The following PLXNB2 variants were observed in gnomAD, a reference collection of about 807,000 sequenced individuals.
PLXNB2 encodes the protein plexin B2.
Under a neutral mutation model 202.6 loss-of-function variants are expected in PLXNB2, and 85 were observed. The ratio of observed to expected loss-of-function variants is 0.42; its 90% CI spans 0.35 to 0.50. The LOEUF (loss-of-function observed/expected upper bound fraction) is 0.50. Among genes scored for constraint, PLXNB2 ranks in the 20% least tolerant of loss-of-function variants. PLXNB2 has a pLI of 0.02. For synonymous variants in PLXNB2, 1,239 were observed against 1,137.6 expected, an observed-to-expected ratio of 1.09 and a Z score of -1.79; for missense variants, 2,063 against 2,586.2, an observed-to-expected ratio of 0.80 and a Z score of 4.39.
In PLXNB2 at chr22:50,283,707, G is replaced by C. The variant is rs751011693; in HGVS notation, c.2465C>G (p.Thr822Ser). The C allele has an allele frequency of 6.2e-7, 1 of 1,613,112 alleles. No homozygotes were observed. The highest frequency in any genetic ancestry group is 1.7e-5 in the Admixed American group (1 of 60,008). Residue 822 changes from threonine to serine, a missense_variant, in exon 15 of 37, where the codon ACC becomes AGC. Transcript: ENST00000359337. ...GACGCCCAAATTGGACCCCAGGATG[G>C]TGATGCGGATGCCCCCACCCAGGGG... Reference protein sequence around the residue: ...TGPLGGGIRITILGSNLGVQA... With the variant: ...TGPLGGGIRISILGSNLGVQA...
At chr22:50,293,469 G>A (rs538737403) in intron 2 of PLXNB2, among the ~76,000 whole-genome samples, 8 of 152,264 alleles carry the variant, frequency 5.3e-5, no homozygotes, top group South Asian at 2.1e-4. Context: ...CAGGCCCCTC[G>A]GCCCTGCGCC....
In PLXNB2 at chr22:50,278,022, G is replaced by A. The variant is rs560890865; in HGVS notation, c.4888-9C>T. On this transcript the variant is annotated splice_polypyrimidine_tract_variant and intron_variant, in intron 31 of 36. Transcript: ENST00000359337. ...AACTGCTGCAGTGTGCCCTGTGGGG[G>A]GGAGGGTCTCAGCGTGACGCCGTGG... is the stretch of plus-strand genomic sequence containing the variant. The A allele has an allele frequency of 2.5e-6, 4 of 1,610,408 alleles. No homozygotes were observed. In the South Asian group the frequency reaches 3.3e-5, roughly 13 times the overall value.
At position 50,284,317 on chromosome 22, in the gene PLXNB2, C is replaced by A. The variant is rs79526162; in HGVS notation, c.2182-104G>T. On this transcript the variant is annotated intron_variant, in intron 12 of 36. Transcript: ENST00000359337. This position sits in a 1 kb window ranked among gnomAD's most constrained non-coding sequence, Gnocchi z 8.0. The stretch of plus-strand genomic sequence containing the variant: ...CTGTGGCCACCGGGTCCCTTCCCAG[C>A]CAAGGGCAGCAGGGGAGGCCTTCAG... 1,960 of 1,114,558 alleles carry A rather than the reference C, an allele frequency of 1.8e-3. 27 individuals are homozygous for A. In the African/African-American group the frequency reaches 0.027, roughly 15 times the overall value. The allele number at this position is 1,114,558 out of a possible 1,614,324, so 69.0% of individuals were successfully genotyped here. A position where few individuals can be genotyped will look rare whatever the true frequency, so the allele number is the denominator to read the frequency against.
rs1476977067 is a variant in PLXNB2 at position 50,277,976 on chromosome 22, C to T, written c.4925G>A (p.Ser1642Asn). The change falls in exon 32 of 37, where the codon AGC (serine) becomes AAC (asparagine). Residue 1642 changes from serine (S) to asparagine (N), a missense_variant. Ser to Asn is a conservative substitution (Grantham distance 46, BLOSUM62 1). Coordinates refer to ENST00000359337, the MANE Select transcript of PLXNB2 (RefSeq NM_012401.4). ...CACCGCGTGCCCAGGCGCCAGCACGCTCTGGAAGAAGTTGTCCACAAACTG... is the reference window on the plus strand; with the variant it reads ...CACCGCGTGCCCAGGCGCCAGCACGTTCTGGAAGAAGTTGTCCACAAACTG... ...LQQFVDNFFQ[S>N]VLAPGHAVPP... The T allele has an allele frequency of 6.2e-7, 1 of 1,612,998 alleles. No homozygotes were observed. The highest frequency in any genetic ancestry group is 1.7e-5 in the Admixed American group (1 of 60,020).
chr22:50,283,803 A>T, intron 14 of PLXNB2, 30 bp downstream of exon 14: 1 of 1,612,330 alleles, frequency 6.2e-7, no homozygotes, highest in Non-Finnish European at 8.5e-7. Context: ...GGGACGAGGG[A>T]AGGTGTAGGC....
At chr22:50,304,991 C>G (rs906916510) in intron 1 of PLXNB2, among the ~76,000 whole-genome samples, 1 of 152,204 alleles carries the variant, frequency 6.6e-6, no homozygotes, top group African/African-American at 2.4e-5. Flanking sequence ...GCCAGAGGGA[C>G]GGAGGCATGA....
chr22:50,292,123 G>C (rs1279862076), intron 2 of PLXNB2, among the ~76,000 whole-genome samples: 2 of 152,148 alleles, frequency 1.3e-5, no homozygotes, highest in East Asian at 3.9e-4. Flanking sequence ...GGATCACGAG[G>C]TCAGGAGTTT....
chr22:50,285,173 C>A (rs1203138130), intron 11 of PLXNB2, among the ~76,000 whole-genome samples: 1 of 151,336 alleles, frequency 6.6e-6, no homozygotes, highest in Non-Finnish European at 1.5e-5. Flanking sequence ...CGGCACCCCT[C>A]CCTCCGTACC....
chr22:50,293,038 C>T (rs1480707091), intron 2 of PLXNB2, among the ~76,000 whole-genome samples: 3 of 152,156 alleles, frequency 2.0e-5, no homozygotes, highest in Non-Finnish European at 4.4e-5. Flanking sequence ...AGTTCCTGGC[C>T]GACTGGTGGC....
rs1289293005 is a variant in PLXNB2, at chr22:50,284,471, G to A, written c.2181+102C>T. ...CCCCTGGCTGGGCTCTGGTCCCTGG[G>A]GTCTCCCTGCTGCCCCTCCCCTCAC... On this transcript the variant is annotated intron_variant, in intron 12 of 36. Coordinates refer to ENST00000359337, the MANE Select transcript of PLXNB2 (RefSeq NM_012401.4). This position sits in a 1 kb window ranked among gnomAD's most constrained non-coding sequence, Gnocchi z 8.0. 9 of 917,668 alleles carry A rather than the reference G, an allele frequency of 9.8e-6. No individual in the cohort carries two copies. The East Asian group carries it at 2.1e-4, about 21-fold the overall frequency. 56.8% of individuals were successfully genotyped at this position (917,668 alleles called of 1,614,324 possible).
chr22:50,302,466 C>G (rs113787382), intron 1 of PLXNB2, among the ~76,000 whole-genome samples: 2,250 of 152,300 alleles, frequency 0.015, 58 homozygotes, highest in African/African-American at 0.051. Context: ...CTGAGGACTT[C>G]AAACCCCACA....
At position 50,290,426 on chromosome 22, in the gene PLXNB2, G is replaced by A. The variant is rs763536705; in HGVS notation, c.159C>T (p.Ala53=). 2 of 1,612,968 alleles carry A rather than the reference G, an allele frequency of 1.2e-6. No homozygotes were observed. The highest frequency in any genetic ancestry group is 1.7e-6 in the Non-Finnish European group (2 of 1,180,004). The change falls in exon 3 of 37, where the codon GCC becomes GCT. Residue 53 remains alanine, a synonymous_variant. Coordinates refer to ENST00000359337, the MANE Select transcript of PLXNB2 (RefSeq NM_012401.4). ...SGVVYLGAVN[A]LYQLDAKLQL... Reference sequence around the variant, plus strand: ...GCAGCTTCGCATCCAGCTGGTAGAGGGCATTCACCGCCCCCAGGTACACCA... The same window carrying A: ...GCAGCTTCGCATCCAGCTGGTAGAGAGCATTCACCGCCCCCAGGTACACCA...
intron 33 of PLXNB2, among the ~76,000 whole-genome samples, chr22:50,277,296 A>G (rs1281304021): frequency 9.1e-6 from 1 of 109,554 alleles, no homozygotes; most frequent in African/African-American, 3.7e-5. Context: ...GAGAGACTCC[A>G]TCTCAAAAAA....
intron 1 of PLXNB2, among the ~76,000 whole-genome samples, chr22:50,307,202 G>C (rs975625294): frequency 6.6e-6 from 1 of 152,162 alleles, no homozygotes; most frequent in Non-Finnish European, 1.5e-5. Flanking sequence ...GGCCGGCCCG[G>C]AGCGCCCGCA....
chr22:50,277,500 T>C, intron 33 of PLXNB2, 91 bp downstream of exon 33: 3 of 1,312,902 alleles, frequency 2.3e-6, no homozygotes. Flanking sequence ...GATATTCAAA[T>C]CCACACCCCA....
intron 21 of PLXNB2, 28 bp from the exon 22 acceptor site, chr22:50,281,527 T>A: frequency 6.2e-7 from 1 of 1,607,076 alleles, no homozygotes; most frequent in Non-Finnish European, 8.5e-7. Flanking sequence ...TTCAGCGCGG[T>A]CCCGTGGGGG....
rs1363911084 is a variant in PLXNB2, at chr22:50,275,365, T to C, written c.*339A>G. On this transcript the variant is annotated 3_prime_UTR_variant, in exon 37 of 37. Coordinates refer to ENST00000359337, the MANE Select transcript of PLXNB2 (RefSeq NM_012401.4). The stretch of plus-strand genomic sequence containing the variant: ...GCCCAACCTAGGGCATGGAGGCGGC[T>C]GCTGGTGCGTGGGCGGAGGCGGAGG... 3.4e-5 allele frequency: 16 copies of C among 472,188 alleles called. No individual in the cohort carries two copies. Among genetic ancestry groups the C allele is most frequent in the Non-Finnish European group, 6.7e-5 (16 of 239,022 alleles). The allele number at this position is 472,188 out of a possible 1,614,324, so 29.2% of individuals were successfully genotyped here.
intron 1 of PLXNB2, among the ~76,000 whole-genome samples, chr22:50,296,524 T>G (rs1043858821): frequency 7.2e-6 from 1 of 138,952 alleles, no homozygotes; most frequent in Admixed American, 8.1e-5. Context: ...GCGGATCACC[T>G]GAGGCTGCAG....
intron 1 of PLXNB2, among the ~76,000 whole-genome samples, chr22:50,296,686 T>C (rs900491028): frequency 2.7e-5 from 4 of 148,424 alleles, no homozygotes; most frequent in Admixed American, 1.3e-4. Context: ...AGGCCCTCAA[T>C]AGCCACCCCT....
Sources: allele counts gnomAD v4.1 joint callset (sites outside exome capture counted in the v4.1 genomes callset), GRCh38; gene constraint gnomAD v4.1.1; non-coding constraint Gnocchi (gnomAD v3.1); transcripts MANE v1.5; gene names NCBI Gene and HGNC (gene_info 2026-07-23, HGNC 2026-07-21).